Variants in MEGF10 observed in about 807,000 individuals in gnomAD.
MEGF10 encodes the protein multiple EGF like domains 10, also known as multiple epidermal growth factor-like domains protein 10.
A neutral mutation model predicts 147.5 loss-of-function variants in MEGF10; 86 were observed. That is an observed-to-expected ratio of 0.58 (90% CI 0.49 to 0.70). MEGF10 has a LOEUF of 0.70. Ranked by LOEUF, MEGF10 falls within the 30% of genes least tolerant of loss-of-function variation. The pLI is 0.00. For synonymous variants in MEGF10, 478 were observed against 525.5 expected (o/e 0.91, Z 1.24); for missense variants, 1,329 against 1,487.3 (o/e 0.89, Z 1.75).
At chr5:127,332,387 C>G (rs965922619) in intron 2 of MEGF10, among the ~76,000 whole-genome samples, 1 of 152,150 alleles carries the variant, frequency 6.6e-6, no homozygotes, top group African/African-American at 2.4e-5. Flanking sequence ...TGATCTTCAG[C>G]ACCATGATTA....
At chr5:127,242,381 A>G in the MEGF10 span, among the ~76,000 whole-genome samples, 3 of 152,218 alleles carry the variant, frequency 2.0e-5, no homozygotes, top group Admixed American at 6.5e-5. Flanking sequence ...AAGCATTAAA[A>G]AATTTTAAGA....
intron 13 of MEGF10, among the ~76,000 whole-genome samples, chr5:127,429,945 T>G (rs917177608): frequency 1.3e-5 from 2 of 152,176 alleles, no homozygotes; most frequent in African/African-American, 4.8e-5. Flanking sequence ...TCAACTCAAC[T>G]TGGCCACTGC....
At chr5:127,252,093 C>A in the MEGF10 span, among the ~76,000 whole-genome samples, 2 of 151,696 alleles carry the variant, frequency 1.3e-5, no homozygotes, top group African/African-American at 2.4e-5. Flanking sequence ...ATCAGATTAA[C>A]AAAATTATAG....
At chr5:127,253,077 G>A in the MEGF10 span, among the ~76,000 whole-genome samples, 3 of 151,870 alleles carry the variant, frequency 2.0e-5, no homozygotes, top group South Asian at 6.2e-4. Flanking sequence ...TAATAACGAA[G>A]TACTGTTTCT....
chr5:127,246,480 G>A, the MEGF10 span, among the ~76,000 whole-genome samples: 1 of 151,990 alleles, frequency 6.6e-6, no homozygotes, highest in African/African-American at 2.4e-5. Flanking sequence ...GGGAGGGATA[G>A]CATTAGGAGA....
chr5:127,398,526 A>G, intron 6 of MEGF10, 150 bp from the exon 7 acceptor site: 1 of 905,928 alleles, frequency 1.1e-6, no homozygotes, highest in African/African-American at 1.7e-5. Context: ...ACTTCCAGGC[A>G]ATATGATTAA....
intron 2 of MEGF10, among the ~76,000 whole-genome samples, chr5:127,337,622 A>G (rs1761517910): frequency 6.6e-6 from 1 of 152,070 alleles, no homozygotes; most frequent in African/African-American, 2.4e-5. Context: ...GCATTTGCAC[A>G]CTGTATCCTC....
Position 127,309,998 on chromosome 5 carries a change from C to CT in MEGF10, c.-19+18944dup, listed in dbSNP as rs1561562066. 5.8e-3 allele frequency among the ~76,000 whole-genome samples: 77 copies of CT among 13,246 alleles called. 1 individual carries two copies. The highest frequency in any genetic ancestry group is 0.016 in the East Asian group (7 of 436). 8.7% of individuals were successfully genotyped at this position (13,246 alleles called of 152,430 possible). On this transcript the variant is annotated intron_variant, in intron 1 of 24. Transcript: ENST00000503335. ...CTTTCTTTCTTTCTTTCTTTCTTTC[C>CT]TTCCTTCCTTCCTTTCTTTTTTTCT...
intron 4 of MEGF10, among the ~76,000 whole-genome samples, chr5:127,343,786 TA>T (rs57195563): frequency 9.6e-4 from 140 of 145,176 alleles, no homozygotes; most frequent in African/African-American, 2.1e-3. Context: ...CCCCGTCTCT[TA>T]AAAAAAAAAA....
chr5:127,356,547 GC>G (rs1762287628), intron 4 of MEGF10, among the ~76,000 whole-genome samples: 1 of 152,160 alleles, frequency 6.6e-6, no homozygotes, highest in Non-Finnish European at 1.5e-5. Flanking sequence ...AGTGGTTATG[GC>G]AAGTTTAAAG....
At chr5:127,440,898 G>A in intron 18 of MEGF10, 31 bp downstream of exon 18, 2 of 1,603,928 alleles carry the variant, frequency 1.2e-6, no homozygotes, top group Non-Finnish European at 1.7e-6. Context: ...TCACTGGGTG[G>A]TATTTTTTTC....
intron 5 of MEGF10, among the ~76,000 whole-genome samples, chr5:127,378,562 C>T (rs1763123047): frequency 1.3e-5 from 2 of 152,194 alleles, no homozygotes; most frequent in Non-Finnish European, 2.9e-5. Flanking sequence ...ATGCCATCTT[C>T]CCACCTCAGC....
At chr5:127,450,945 G>A (rs1766133654) in intron 22 of MEGF10, among the ~76,000 whole-genome samples, 1 of 152,016 alleles carries the variant, frequency 6.6e-6, no homozygotes, top group Non-Finnish European at 1.5e-5. Context: ...TTTCAGTAGA[G>A]ACAGGGTTTC....
At position 127,419,257 on chromosome 5, in the gene MEGF10, A is replaced by C; in HGVS notation, c.1426+17A>C. ...GCAAGGCAGGTAAGAATGGGTAAAT[A>C]AGTCTTTAATTTGATCCTGGTCACG... On this transcript the variant is annotated intron_variant, in intron 11 of 24. Coordinates refer to ENST00000503335, the MANE Select transcript of MEGF10 (RefSeq NM_001256545.2). 1 of 1,608,566 alleles carries C rather than the reference A, an allele frequency of 6.2e-7. No homozygotes were observed. Among genetic ancestry groups the C allele is most frequent in the Non-Finnish European group, 8.5e-7 (1 of 1,178,578 alleles).
chr5:127,300,340 G>A (rs1013163304), intron 1 of MEGF10, among the ~76,000 whole-genome samples: 2 of 152,096 alleles, frequency 1.3e-5, no homozygotes, highest in Non-Finnish European at 2.9e-5. Context: ...GTTCTGTGTA[G>A]GTACAGCACT....
the MEGF10 span, among the ~76,000 whole-genome samples, chr5:127,232,865 G>A: frequency 2.0e-5 from 3 of 152,032 alleles, no homozygotes; most frequent in South Asian, 4.2e-4. Context: ...GAAGAAAAGC[G>A]AAATGTCTGG....
chr5:127,316,264 C>T (rs1414812007), intron 1 of MEGF10, among the ~76,000 whole-genome samples: 1 of 152,142 alleles, frequency 6.6e-6, no homozygotes, highest in Non-Finnish European at 1.5e-5. Context: ...TCACCTTGCC[C>T]TCAGCTGATA....
chr5:127,264,601 T>C, the MEGF10 span, among the ~76,000 whole-genome samples: 6 of 152,222 alleles, frequency 3.9e-5, no homozygotes, highest in East Asian at 1.2e-3. Flanking sequence ...TGTTGCACTC[T>C]CCATCAGGCA....
chr5:127,395,780 G>A (rs544977482), intron 5 of MEGF10, among the ~76,000 whole-genome samples: 2 of 152,064 alleles, frequency 1.3e-5, no homozygotes, highest in East Asian at 1.9e-4. Flanking sequence ...TCCTGACCTC[G>A]TGATCCTCCC....
Sources: allele counts gnomAD v4.1 joint callset (sites outside exome capture counted in the v4.1 genomes callset), GRCh38; gene constraint gnomAD v4.1.1; transcripts MANE v1.5; gene names NCBI Gene and HGNC (gene_info 2026-07-23, HGNC 2026-07-21).